The following HLCS variants were observed in gnomAD, a reference collection of about 807,000 sequenced individuals.
HLCS encodes the protein holocarboxylase synthetase, also known as biotin--protein ligase.
A neutral mutation model predicts 75.0 loss-of-function variants in HLCS; 53 were observed. The observed-to-expected ratio is 0.71, with a 90% CI of 0.57 to 0.89. HLCS has a LOEUF of 0.89. Among genes scored for constraint, HLCS ranks in the 40% least tolerant of loss-of-function variants. The pLI is 0.00. For missense variants in HLCS, 966 were observed against 1,074.0 expected (o/e 0.90, Z 1.41); for synonymous variants, 431 against 428.6 (o/e 1.01, Z -0.07).
chr21:36,759,490 A>G (rs2089740886), intron 9 of HLCS, among the ~76,000 whole-genome samples: 1 of 152,242 alleles, frequency 6.6e-6, no homozygotes, highest in African/African-American at 2.4e-5. Flanking sequence ...ATGTAGGAAC[A>G]TACCTGTTTG....
At chr21:36,930,460 A>T (rs2066589685) in intron 4 of HLCS, 27 bp from the exon 5 acceptor site, 1 of 1,580,350 alleles carries the variant, frequency 6.3e-7, no homozygotes, top group Non-Finnish European at 8.7e-7. Context: ...GCACTATGTA[A>T]ACTGAGGGCA....
At chr21:36,759,140 T>G (rs200213180) in intron 9 of HLCS, 536 of 471,192 alleles carry the variant, frequency 1.1e-3, no homozygotes, top group Middle Eastern at 4.5e-3. Flanking sequence ...ATTGCTGGTT[T>G]CTGAACACAG....
rs112209558 is a variant in HLCS at position 36,826,357 on chromosome 21, G to A, written c.1893-59072C>T. 7.0e-3 allele frequency among the ~76,000 whole-genome samples: 1,069 copies of A among 152,258 alleles called. 10 individuals are homozygous for A. The highest frequency in any genetic ancestry group is 0.024 in the African/African-American group (996 of 41,534). On this transcript the variant is annotated intron_variant, in intron 6 of 10. Coordinates refer to ENST00000674895, the MANE Select transcript of HLCS (RefSeq NM_001352514.2). ...TCCCAGTGAGATACGTGGATCTCCAGAGTTCAGTACTCGCTACACTGATGG... is the reference window on the plus strand; with the variant it reads ...TCCCAGTGAGATACGTGGATCTCCAAAGTTCAGTACTCGCTACACTGATGG...
intron 6 of HLCS, among the ~76,000 whole-genome samples, chr21:36,773,942 A>G (rs1232496559): frequency 1.3e-5 from 2 of 152,246 alleles, no homozygotes; most frequent in Non-Finnish European, 2.9e-5. Context: ...TTAAAACGCT[A>G]AAATATCAAG....
At chr21:36,985,216 A>G (rs541820821) in intron 1 of HLCS, among the ~76,000 whole-genome samples, 104 of 152,356 alleles carry the variant, frequency 6.8e-4, no homozygotes, top group Non-Finnish European at 1.4e-3. Context: ...CCCAAATAAC[A>G]TTCTTGCTAG....
intron 6 of HLCS, among the ~76,000 whole-genome samples, chr21:36,869,693 T>A (rs2063705169): frequency 6.6e-6 from 1 of 152,226 alleles, no homozygotes; most frequent in Admixed American, 6.5e-5. Context: ...AATTAAATTA[T>A]CCACCCTAAA....
intron 2 of HLCS, among the ~76,000 whole-genome samples, chr21:36,944,605 TG>T (rs2146568613): frequency 6.6e-6 from 1 of 152,342 alleles, no homozygotes; most frequent in Non-Finnish European, 1.5e-5. Context: ...ATTTTGGTTT[TG>T]GTTTTTTAAT....
upstream of HLCS, among the ~76,000 whole-genome samples, chr21:36,967,362 G>A (rs969793346): frequency 3.3e-5 from 5 of 152,130 alleles, no homozygotes; most frequent in African/African-American, 1.2e-4. Context: ...AGACAGATAA[G>A]CACCAAGAAG....
At chr21:36,925,035 T>C (rs1458858289) in intron 5 of HLCS, among the ~76,000 whole-genome samples, 1 of 152,206 alleles carries the variant, frequency 6.6e-6, no homozygotes, top group Non-Finnish European at 1.5e-5. Flanking sequence ...CGTTTTTTGA[T>C]ATGTTTACAA....
At chr21:36,948,009 G>T (rs556538580) in intron 2 of HLCS, 11 of 985,228 alleles carry the variant, frequency 1.1e-5, no homozygotes, top group Non-Finnish European at 1.3e-5. Context: ...TGAAAATACA[G>T]GGCCAGGCGC....
chr21:36,801,662 T>C (rs1369133289), intron 6 of HLCS, among the ~76,000 whole-genome samples: 1 of 152,216 alleles, frequency 6.6e-6, no homozygotes, highest in Admixed American at 6.5e-5. Flanking sequence ...AGAGAGTCTA[T>C]TAACTTTCCT....
At chr21:36,894,551 A>G (rs1221695366) in intron 6 of HLCS, among the ~76,000 whole-genome samples, 1 of 152,168 alleles carries the variant, frequency 6.6e-6, no homozygotes, top group African/African-American at 2.4e-5. Context: ...CTCACTTCGT[A>G]GTGTTAGGAA....
In HLCS at chr21:36,752,626, G is replaced by T. The variant is rs1167090512; in HGVS notation, c.*1620C>A. On this transcript the variant is annotated 3_prime_UTR_variant, in exon 11 of 11. Transcript: ENST00000674895. ...AAAGAAGGCTTGGGCATTTGGAGAA[G>T]AGTGGTTTTTTTTGTGTTTTTTGTT... The T allele has an allele frequency of 6.6e-6, 1 of 152,594 alleles. No homozygotes were observed. Among genetic ancestry groups the T allele is most frequent in the Non-Finnish European group, 1.5e-5 (1 of 68,036 alleles). The allele number at this position is 152,594 out of a possible 1,614,324, so 9.5% of individuals were successfully genotyped here.
intron 6 of HLCS, among the ~76,000 whole-genome samples, chr21:36,894,155 C>A (rs1315517408): frequency 6.6e-6 from 1 of 152,142 alleles, no homozygotes; most frequent in African/African-American, 2.4e-5. Context: ...TCCTCCTGCT[C>A]CCATCATGTA....
At chr21:36,958,417 A>G (rs922199505) in intron 2 of HLCS, among the ~76,000 whole-genome samples, 1 of 152,154 alleles carries the variant, frequency 6.6e-6, no homozygotes, top group East Asian at 1.9e-4. Context: ...TCTCTTTAAA[A>G]CCATTAATTC....
At chr21:36,937,958 G>A (rs1390558745) in intron 3 of HLCS, among the ~76,000 whole-genome samples, 1 of 152,154 alleles carries the variant, frequency 6.6e-6, no homozygotes, top group Non-Finnish European at 1.5e-5. Context: ...ACATGTACGA[G>A]GTGATTCTGG....
At chr21:36,881,579 A>G (rs1157735581) in intron 6 of HLCS, among the ~76,000 whole-genome samples, 1 of 152,230 alleles carries the variant, frequency 6.6e-6, no homozygotes, top group African/African-American at 2.4e-5. Context: ...CACCTGCAGG[A>G]GGCAGAGAGA....
intron 5 of HLCS, among the ~76,000 whole-genome samples, chr21:36,922,666 G>C (rs901560140): frequency 4.6e-5 from 7 of 152,108 alleles, no homozygotes; most frequent in South Asian, 2.1e-4. Flanking sequence ...AATCCTCCTG[G>C]TGCTGCCCAG....
At chr21:36,891,098 G>T (rs1293231487) in intron 6 of HLCS, among the ~76,000 whole-genome samples, 1 of 152,160 alleles carries the variant, frequency 6.6e-6, no homozygotes, top group Admixed American at 6.5e-5. Flanking sequence ...CACGTGACTA[G>T]GTCCTGTTCA....
Sources: gnomAD v4.1 joint callset for allele counts (sites outside exome capture counted in the v4.1 genomes callset) on GRCh38, gnomAD v4.1.1 for gene constraint, MANE v1.5 for transcripts, NCBI Gene and HGNC (gene_info 2026-07-23, HGNC 2026-07-21) for gene names.